The following NAA60 variants were observed in gnomAD, a reference collection of about 807,000 sequenced individuals.
The protein encoded by NAA60 is N-alpha-acetyltransferase 60, NatF catalytic subunit, also known as N-alpha-acetyltransferase 60.
Under a neutral mutation model 26.1 loss-of-function variants are expected in NAA60, and 8 were observed. The observed-to-expected ratio is 0.31, with a 90% CI of 0.18 to 0.55. The LOEUF is 0.55. NAA60 is among the 20% of genes least tolerant of loss of function. NAA60 has a pLI of 0.93. For synonymous variants in NAA60, 131 were observed against 122.5 expected, an observed-to-expected ratio of 1.07 and a Z score of -0.46; for missense variants, 290 against 311.3, an observed-to-expected ratio of 0.93 and a Z score of 0.51.
Position 3,484,987 on chromosome 16 carries a change from G to A in NAA60, c.*132G>A, listed in dbSNP as rs1182803295. The stretch of plus-strand genomic sequence containing the variant: ...TAACTGGGCTCGTCGGCCTGCCCCA[G>A]CTGCAGGCCCGGTGCTACACGGGCT... On this transcript the variant is annotated 3_prime_UTR_variant, in exon 7 of 8. Coordinates refer to ENST00000407558, the MANE Select transcript of NAA60 (RefSeq NM_001083601.3). 1 of 1,528,148 alleles carries A rather than the reference G, an allele frequency of 6.5e-7. No individual in the cohort carries two copies. The highest frequency in any genetic ancestry group is 2.0e-5 in the Admixed American group (1 of 50,742). The allele number at this position is 1,528,148 out of a possible 1,614,324, so 94.7% of individuals were successfully genotyped here.
chr16:3,474,953 T>G (rs1219641879), intron 2 of NAA60, among the ~76,000 whole-genome samples: 1 of 152,194 alleles, frequency 6.6e-6, no homozygotes, highest in Non-Finnish European at 1.5e-5. Flanking sequence ...TTTGTTTATT[T>G]ATTTATTTTT....
chr16:3,454,544 T>C (rs1452371472), intron 2 of NAA60, among the ~76,000 whole-genome samples: 1 of 150,958 alleles, frequency 6.6e-6, no homozygotes, highest in Non-Finnish European at 1.5e-5. Flanking sequence ...AAATCAGAAG[T>C]TTAATAGATA....
In NAA60 at chr16:3,485,485, C is replaced by T. The variant is rs2037106287; in HGVS notation, c.*225C>T. On this transcript the variant is annotated 3_prime_UTR_variant, in exon 8 of 8. Transcript: ENST00000407558. ...CCCACAGGCTCTTCAGCTCCCCTCC[C>T]TGCTTCTGGAAACCTCTGCCTGCTG... 1 of 456,966 alleles carries T rather than the reference C, an allele frequency of 2.2e-6. No homozygotes were observed. The highest frequency in any genetic ancestry group is 1.5e-5 in the South Asian group (1 of 64,532). 28.3% of individuals were successfully genotyped at this position (456,966 alleles called of 1,614,324 possible).
chr16:3,448,437 T>C, intron 1 of NAA60, 34 bp from the exon 2 acceptor site: 1 of 1,522,696 alleles, frequency 6.6e-7, no homozygotes, highest in South Asian at 1.2e-5. Flanking sequence ...TGGCCAGGAG[T>C]GAAGTGATGG....
At chr16:3,479,001 C>T (rs148977536) in intron 3 of NAA60, among the ~76,000 whole-genome samples, 160 of 152,168 alleles carry the variant, frequency 1.1e-3, no homozygotes, top group African/African-American at 3.7e-3. Context: ...TTTGGGAGGC[C>T]AAGACGGGCA....
Position 3,443,775 on chromosome 16 carries a change from G to A in NAA60, c.-139G>A. ...GACCCCAGGGGGACGTAATGTTTCC[G>A]AGAAGAAGGACAGAAAGAAGACTGG... On this transcript the variant is annotated 5_prime_UTR_variant, in exon 1 of 8. Coordinates refer to ENST00000407558, the MANE Select transcript of NAA60 (RefSeq NM_001083601.3). 6.5e-7 allele frequency: 1 copy of A among 1,534,154 alleles called. No individual in the cohort carries two copies. Among genetic ancestry groups the A allele is most frequent in the Non-Finnish European group, 8.7e-7 (1 of 1,146,078 alleles).
chr16:3,445,274 C>CTTTTTTT (rs1452284919), intron 1 of NAA60, among the ~76,000 whole-genome samples: 1 of 125,532 alleles, frequency 8.0e-6, no homozygotes, highest in Non-Finnish European at 1.6e-5. Context: ...TTGTGCTTAT[C>CTTTTTTT]TCTTTTTTTT....
At chr16:3,470,242 C>A (rs1408447462) in intron 2 of NAA60, among the ~76,000 whole-genome samples, 1 of 152,188 alleles carries the variant, frequency 6.6e-6, no homozygotes, top group Admixed American at 6.5e-5. Context: ...CCTGCACTGC[C>A]CCCAGCAGAC....
chr16:3,468,798 G>C (rs933355442), intron 2 of NAA60, among the ~76,000 whole-genome samples: 4 of 152,164 alleles, frequency 2.6e-5, no homozygotes, highest in African/African-American at 9.7e-5. Flanking sequence ...GGGAGTGGCC[G>C]GGCTCGGTAG....
chr16:3,458,164 C>A, intron 2 of NAA60: 1 of 984,948 alleles, frequency 1.0e-6, no homozygotes, highest in Non-Finnish European at 1.2e-6. Context: ...CCCCAGCGGC[C>A]GCCGGCTCCC....
chr16:3,459,024 G>A (rs1172082805), intron 2 of NAA60, among the ~76,000 whole-genome samples: 2 of 152,122 alleles, frequency 1.3e-5, no homozygotes, highest in East Asian at 1.9e-4. Flanking sequence ...CCGTTTCGTG[G>A]GTTTGTTTTC....
chr16:3,476,033 C>T (rs566305664), intron 2 of NAA60, 189 bp from the exon 3 acceptor site: 2 of 572,562 alleles, frequency 3.5e-6, no homozygotes, highest in Non-Finnish European at 6.2e-6. Flanking sequence ...CCTGGGTCTT[C>T]CCAGCGATGG....
Position 3,474,419 on chromosome 16 carries a change from GCTAT to G in NAA60, c.-6-1800_-6-1797del, listed in dbSNP as rs372597119. On this transcript the variant is annotated intron_variant, in intron 2 of 7. Coordinates refer to ENST00000407558, the MANE Select transcript of NAA60 (RefSeq NM_001083601.3). Reference sequence around the variant, plus strand: ...GAGAACCACCCTGGGGAGGGGCCTAGCTATCTCCACTCCGCAGAGAAGGCTCCAG... The same window carrying G: ...GAGAACCACCCTGGGGAGGGGCCTAGCTCCACTCCGCAGAGAAGGCTCCAG... Among the ~76,000 whole-genome samples, 90 of 152,346 alleles carry G rather than the reference GCTAT, an allele frequency of 5.9e-4. 1 individual carries two copies. Among genetic ancestry groups the G allele is most frequent in the South Asian group, 5.8e-3 (28 of 4,822 alleles).
At chr16:3,458,023 G>A (rs1486687760) in intron 2 of NAA60, 2 of 985,222 alleles carry the variant, frequency 2.0e-6, no homozygotes, top group East Asian at 1.1e-4. Flanking sequence ...GGGAGCGGGA[G>A]GCGGAAGTGC....
rs1161970029 is a variant in NAA60, at chr16:3,465,922, C to G, written c.-6-10300C>G. ...ATAAATTAATGACTAAATGGATTCT[C>G]AGTTTGAAATGTAAGGCGTGACAGA... is the stretch of plus-strand genomic sequence containing the variant. On this transcript the variant is annotated intron_variant, in intron 2 of 7. Transcript: ENST00000407558. Among the ~76,000 whole-genome samples the G allele has an allele frequency of 3.9e-5, 6 of 152,288 alleles. No homozygotes were observed. In the East Asian group the frequency reaches 1.2e-3, roughly 29 times the overall value.
Position 3,482,889 on chromosome 16 carries a change from C to T in NAA60, c.337+291C>T, listed in dbSNP as rs868461451. Reference sequence around the variant, plus strand: ...CTGAGGAAACTGGCACCTCTCACTTCTGCTGCCGCCACACGCACAACTCGT... The same window carrying T: ...CTGAGGAAACTGGCACCTCTCACTTTTGCTGCCGCCACACGCACAACTCGT... On this transcript the variant is annotated intron_variant, in intron 5 of 7. Transcript: ENST00000407558. The T allele has an allele frequency of 7.5e-5, 40 of 533,062 alleles. No homozygotes were observed. The South Asian group carries it at 7.9e-4, about 10-fold the overall frequency. The allele number at this position is 533,062 out of a possible 1,614,324, so 33.0% of individuals were successfully genotyped here.
In NAA60 at chr16:3,485,024, C is replaced by T; in HGVS notation, c.*169C>T. The T allele has an allele frequency of 1.3e-6, 2 of 1,518,420 alleles. No homozygotes were observed. Among genetic ancestry groups the T allele is most frequent in the South Asian group, 1.2e-5 (1 of 82,988 alleles). The allele number at this position is 1,518,420 out of a possible 1,614,324, so 94.1% of individuals were successfully genotyped here. A position where few individuals can be genotyped will look rare whatever the true frequency, so the allele number is the denominator to read the frequency against. ...GTGCTACACGGGCTCGGGAACAGAACATCGTGGGCATGCGCAGAGCATGCC... is the reference window on the plus strand; with the variant it reads ...GTGCTACACGGGCTCGGGAACAGAATATCGTGGGCATGCGCAGAGCATGCC... On this transcript the variant is annotated 3_prime_UTR_variant, in exon 7 of 8. Coordinates refer to ENST00000407558, the MANE Select transcript of NAA60 (RefSeq NM_001083601.3).
intron 2 of NAA60, among the ~76,000 whole-genome samples, chr16:3,465,791 C>T (rs1415612053): frequency 5.3e-5 from 8 of 152,178 alleles, no homozygotes; most frequent in Admixed American, 2.6e-4. Context: ...CCAGAAAGCA[C>T]CATGACACCC....
At chr16:3,480,275 T>G (rs1433768417) in intron 4 of NAA60, among the ~76,000 whole-genome samples, 1 of 152,082 alleles carries the variant, frequency 6.6e-6, no homozygotes, top group African/African-American at 2.4e-5. Flanking sequence ...ATGGTTCAAT[T>G]TGTTTGGCTT....
Sources: gnomAD v4.1 joint callset for allele counts (sites outside exome capture counted in the v4.1 genomes callset) on GRCh38, gnomAD v4.1.1 for gene constraint, MANE v1.5 for transcripts, NCBI Gene and HGNC (gene_info 2026-07-23, HGNC 2026-07-21) for gene names.